Variants in LTBP1 observed in about 807,000 individuals in gnomAD.
The protein encoded by LTBP1 is latent-transforming growth factor beta-binding protein 1.
In LTBP1, 129 loss-of-function variants were observed where a neutral mutation model predicts 207.6. That is an observed-to-expected ratio of 0.62 (90% CI 0.54 to 0.72). The LOEUF (loss-of-function observed/expected upper bound fraction) is 0.72. Ranked by LOEUF, LTBP1 falls within the 30% of genes least tolerant of loss-of-function variation. The pLI is 0.00. For synonymous variants in LTBP1, 963 were observed against 833.7 expected (o/e 1.16, Z -2.67); for missense variants, 2,281 against 2,217.2 (o/e 1.03, Z -0.58).
intron 3 of LTBP1, among the ~76,000 whole-genome samples, chr2:33,047,177 G>A (rs1260373920): frequency 6.6e-6 from 1 of 152,028 alleles, no homozygotes; most frequent in Non-Finnish European, 1.5e-5. Context: ...GTTTGCTCTT[G>A]CTTCTCCAAT....
intron 19 of LTBP1, among the ~76,000 whole-genome samples, chr2:33,290,660 G>T (rs1285082387): frequency 2.0e-5 from 3 of 152,242 alleles, no homozygotes; most frequent in Non-Finnish European, 4.4e-5. Context: ...AGATTGGTAT[G>T]CCTGGGCAAT....
intron 20 of LTBP1, among the ~76,000 whole-genome samples, chr2:33,296,798 G>A (rs1447280303): frequency 6.6e-6 from 1 of 152,078 alleles, no homozygotes; most frequent in Non-Finnish European, 1.5e-5. Context: ...TGTGAGCTTG[G>A]ATAAGTTACG....
chr2:32,970,735 T>A lies in LTBP1; in HGVS notation c.565+21790T>A, dbSNP rs553688960. Among the ~76,000 whole-genome samples the A allele has an allele frequency of 2.7e-5, 4 of 146,264 alleles. No individual in the cohort carries two copies. The East Asian group carries it at 8.5e-4, about 31-fold the overall frequency. On this transcript the variant is annotated intron_variant, in intron 2 of 33. Coordinates refer to ENST00000404816, the MANE Select transcript of LTBP1 (RefSeq NM_206943.4). ...TTTTTGATTAGGATTGCCTTGGTTGTTTGGGCTCTTTTTTTTTTGTTCCAT... is the reference window on the plus strand; with the variant it reads ...TTTTTGATTAGGATTGCCTTGGTTGATTGGGCTCTTTTTTTTTTGTTCCAT...
At chr2:33,170,285 C>T (rs1468792943) in intron 5 of LTBP1, among the ~76,000 whole-genome samples, 19 of 152,078 alleles carry the variant, frequency 1.2e-4, no homozygotes, top group African/African-American at 3.1e-4. Flanking sequence ...CCTGGAAAAT[C>T]GGGTCACTCC....
At chr2:33,096,357 T>C (rs770073631) in intron 3 of LTBP1, among the ~76,000 whole-genome samples, 1 of 152,204 alleles carries the variant, frequency 6.6e-6, no homozygotes, top group Non-Finnish European at 1.5e-5. Flanking sequence ...AGTACATCTC[T>C]ACAGCAAGAA....
At position 33,323,218 on chromosome 2, in the gene LTBP1, C is replaced by A. The variant is rs578254932; in HGVS notation, c.3730+7949C>A. 3.5e-3 allele frequency among the ~76,000 whole-genome samples: 531 copies of A among 152,244 alleles called. 2 individuals are homozygous for A. The highest frequency in any genetic ancestry group is 0.012 in the African/African-American group (508 of 41,538). ...GCAAAACCATCTAGTACAAAAAAAACCCGATTTTATAATAAAGTGTTGAAT... is the reference window on the plus strand; with the variant it reads ...GCAAAACCATCTAGTACAAAAAAAAACCGATTTTATAATAAAGTGTTGAAT... On this transcript the variant is annotated intron_variant, in intron 24 of 33. Coordinates refer to ENST00000404816, the MANE Select transcript of LTBP1 (RefSeq NM_206943.4).
intron 3 of LTBP1, among the ~76,000 whole-genome samples, chr2:33,044,698 A>T (rs2076358801): frequency 6.6e-6 from 1 of 152,226 alleles, no homozygotes; most frequent in South Asian, 2.1e-4. Context: ...ACTGTCTTCC[A>T]CAATCGTTTA....
chr2:33,089,877 C>G (rs72869700), intron 3 of LTBP1, among the ~76,000 whole-genome samples: 1 of 152,158 alleles, frequency 6.6e-6, no homozygotes, highest in African/African-American at 2.4e-5. Context: ...CCAAATGAAG[C>G]ATTGCTGAGC....
chr2:33,153,088 C>G (rs1016948732), intron 5 of LTBP1, among the ~76,000 whole-genome samples: 1 of 152,112 alleles, frequency 6.6e-6, no homozygotes, highest in African/African-American at 2.4e-5. Context: ...ATGAGGCTCT[C>G]TTTGTGATGT....
At chr2:33,114,338 C>T (rs573929085) in intron 4 of LTBP1, among the ~76,000 whole-genome samples, 9 of 152,340 alleles carry the variant, frequency 5.9e-5, no homozygotes, top group Non-Finnish European at 1.2e-4. Context: ...TAACATGTAT[C>T]TATTAAACGT....
intron 3 of LTBP1, among the ~76,000 whole-genome samples, chr2:33,061,686 G>A (rs572389001): frequency 7.2e-5 from 11 of 152,068 alleles, no homozygotes; most frequent in Admixed American, 2.0e-4. Context: ...TAAATATATG[G>A]CAATTTGTTT....
intron 7 of LTBP1, among the ~76,000 whole-genome samples, chr2:33,216,544 T>C (rs1033208825): frequency 6.6e-6 from 1 of 152,120 alleles, no homozygotes; most frequent in Non-Finnish European, 1.5e-5. Flanking sequence ...TTTTAATCGG[T>C]AATGTGACCA....
intron 7 of LTBP1, among the ~76,000 whole-genome samples, chr2:33,200,499 G>A (rs889117586): frequency 1.1e-4 from 16 of 152,234 alleles, no homozygotes; most frequent in South Asian, 4.1e-4. Flanking sequence ...AGACTTAAAC[G>A]TTAGACCTAA....
intron 3 of LTBP1, among the ~76,000 whole-genome samples, chr2:33,049,458 A>G (rs1031941368): frequency 2.0e-5 from 3 of 152,198 alleles, no homozygotes; most frequent in African/African-American, 4.8e-5. Context: ...GCCGGACACT[A>G]AAACTAAATA....
intron 3 of LTBP1, among the ~76,000 whole-genome samples, chr2:33,102,593 T>C (rs1404261579): frequency 6.6e-6 from 1 of 152,226 alleles, no homozygotes; most frequent in Non-Finnish European, 1.5e-5. Context: ...TCTCATTTAG[T>C]CGAAGACAAT....
intron 3 of LTBP1, among the ~76,000 whole-genome samples, chr2:33,049,180 T>G (rs1167335098): frequency 6.6e-6 from 1 of 152,220 alleles, no homozygotes; most frequent in East Asian, 1.9e-4. Flanking sequence ...ACATGTTAAC[T>G]CATATTTGCA....
At chr2:33,056,362 T>G in intron 3 of LTBP1, 1 of 1,251,528 alleles carries the variant, frequency 8.0e-7, no homozygotes. Flanking sequence ...TGGCTTTCGG[T>G]TTTCTTTGGT....
chr2:33,222,202 T>C (rs1242422127), intron 9 of LTBP1, 51 bp downstream of exon 9: 5 of 1,369,462 alleles, frequency 3.7e-6, no homozygotes, highest in Non-Finnish European at 4.2e-6. Context: ...TTTTGGCTTT[T>C]TAGAAACTTC....
rs527589194 is a variant in LTBP1, at chr2:33,030,529, C to T, written c.863+9323C>T. On this transcript the variant is annotated intron_variant, in intron 3 of 33. Coordinates refer to ENST00000404816, the MANE Select transcript of LTBP1 (RefSeq NM_206943.4). ...TTTCACACCTTAATTGCTTTAACGT[C>T]TTGAAAGGTGAAAGGTGACCTGTGA... Among the ~76,000 whole-genome samples, 47 of 152,280 alleles carry T rather than the reference C, an allele frequency of 3.1e-4. 1 individual carries two copies. Among genetic ancestry groups the T allele is most frequent in the African/African-American group, 1.1e-3 (46 of 41,562 alleles).
Sources: allele counts gnomAD v4.1 joint callset (sites outside exome capture counted in the v4.1 genomes callset), GRCh38; gene constraint gnomAD v4.1.1; transcripts MANE v1.5; gene names NCBI Gene and HGNC (gene_info 2026-07-23, HGNC 2026-07-21).